DPP4: variants seen among roughly 807,000 people sequenced by gnomAD.
The protein encoded by DPP4 is dipeptidyl peptidase 4, also known as ADCP-2.
DPP4 carries 93 observed loss-of-function variants against 122.4 expected under a neutral mutation model. That is an observed-to-expected ratio of 0.76 (90% CI 0.64 to 0.90). The LOEUF (loss-of-function observed/expected upper bound fraction) is 0.90. Ranked by LOEUF, DPP4 falls within the 40% of genes least tolerant of loss-of-function variation. The probability of loss-of-function intolerance (pLI) is 0.00; values close to 1 mark genes in which losing one functional copy is unlikely to be tolerated. For missense variants in DPP4, 914 were observed against 907.3 expected (o/e 1.01, Z -0.09); for synonymous variants, 321 against 302.9 (o/e 1.06, Z -0.62).
chr2:161,995,978 G>A (rs1700989718), intron 23 of DPP4, among the ~76,000 whole-genome samples: 1 of 152,108 alleles, frequency 6.6e-6, no homozygotes, highest in Non-Finnish European at 1.5e-5. Context: ...ATCAAAAGTG[G>A]CCTTAGAAAA....
Position 162,073,800 on chromosome 2 carries a change from G to A in DPP4, c.6+176C>T, listed in dbSNP as rs73009192. Among the ~76,000 whole-genome samples the A allele has an allele frequency of 7.1e-3, 1,078 of 152,214 alleles. 14 individuals carry two copies. The highest frequency in any genetic ancestry group is 0.025 in the African/African-American group (1,040 of 41,546). ...ACGCCAGGGTCCTAGCAGAAGCCAG[G>A]GTCCGAAAGCTAAGCGAGAGCTCTG... is the stretch of plus-strand genomic sequence containing the variant. On this transcript the variant is annotated intron_variant, in intron 1 of 25. Coordinates refer to ENST00000360534, the MANE Select transcript of DPP4 (RefSeq NM_001935.4).
rs141276765 is a variant in DPP4, at chr2:162,045,538, G to A, written c.360C>T (p.Tyr120=). Reference sequence around the variant, plus strand: ...AAGAAAGCATTTATTTTACCTTCACGTAGTTGTATTCTAAGAGAATAAACT... The same window carrying A: ...AAGAAAGCATTTATTTTACCTTCACATAGTTGTATTCTAAGAGAATAAACT... ...DGQFILLEYN[Y]VKQWRHSYTA... The change falls in exon 5 of 26, where the codon TAC becomes TAT. Residue 120 remains tyrosine, a synonymous_variant. Coordinates refer to ENST00000360534, the MANE Select transcript of DPP4 (RefSeq NM_001935.4). 4.6e-5 allele frequency: 73 copies of A among 1,604,278 alleles called. No homozygotes were observed. The highest frequency in any genetic ancestry group is 8.8e-5 in the South Asian group (8 of 90,798).
intron 7 of DPP4, 75 bp from the exon 8 acceptor site, chr2:162,038,497 A>G: frequency 1.4e-6 from 2 of 1,435,826 alleles, no homozygotes; most frequent in Non-Finnish European, 1.9e-6. Flanking sequence ...AGAAACACTT[A>G]TCTATTGCAA....
intron 2 of DPP4, among the ~76,000 whole-genome samples, chr2:162,048,746 C>T (rs765341122): frequency 1.3e-5 from 2 of 152,212 alleles, no homozygotes; most frequent in Non-Finnish European, 2.9e-5. Flanking sequence ...CCCAACACTA[C>T]TCATTTCGCT....
intron 7 of DPP4, 109 bp downstream of exon 7, chr2:162,038,840 T>C (rs746647964): frequency 5.3e-6 from 5 of 949,776 alleles, no homozygotes; most frequent in Admixed American, 1.9e-5. Context: ...CTATGTTCTA[T>C]AGTGAAGTAT....
intron 13 of DPP4, 99 bp downstream of exon 13, chr2:162,020,482 A>G: frequency 9.5e-7 from 1 of 1,052,378 alleles, no homozygotes; most frequent in Non-Finnish European, 1.4e-6. Flanking sequence ...TCTGATTTTT[A>G]TACACATTGA....
intron 8 of DPP4, among the ~76,000 whole-genome samples, chr2:162,037,668 T>C (rs1454959974): frequency 6.6e-6 from 1 of 152,150 alleles, no homozygotes; most frequent in East Asian, 1.9e-4. Flanking sequence ...AAAATGTTTT[T>C]CTAATATTTT....
rs747284148 is a variant in DPP4 at position 162,046,929 on chromosome 2, C to T, written c.271G>A (p.Glu91Lys). The stretch of plus-strand genomic sequence containing the variant: ...ATTAAACATACAAATGTACTGTTCT[C>T]CAAGAAAACTGAGCTGTTTCCATAT... ...AEYGNSSVFL[E>K]NSTFDEFGHS... Residue 91 changes from glutamate (E) to lysine (K), a missense_variant, in exon 4 of 26, where the codon GAG becomes AAG. Coordinates refer to ENST00000360534, the MANE Select transcript of DPP4 (RefSeq NM_001935.4). The T allele has an allele frequency of 5.7e-6, 9 of 1,587,392 alleles. No individual in the cohort carries two copies. The South Asian group carries it at 1.0e-4, about 18-fold the overall frequency.
chr2:162,049,823 T>C (rs567312666), intron 2 of DPP4, among the ~76,000 whole-genome samples: 4 of 152,344 alleles, frequency 2.6e-5, no homozygotes, highest in Non-Finnish European at 5.9e-5. Context: ...AATAGCCTTG[T>C]ACCTGCCTAA....
At chr2:162,063,323 A>T (rs749870524) in intron 2 of DPP4, among the ~76,000 whole-genome samples, 1 of 152,196 alleles carries the variant, frequency 6.6e-6, no homozygotes, top group African/African-American at 2.4e-5. Context: ...TGTATACTGC[A>T]CCTAGAGCTC....
chr2:162,006,390 C>A (rs761960015), intron 22 of DPP4, among the ~76,000 whole-genome samples: 12 of 152,130 alleles, frequency 7.9e-5, no homozygotes, highest in Non-Finnish European at 1.3e-4. Context: ...GGAGATCAGA[C>A]TGGGATTCAC....
In DPP4 at chr2:162,074,214, C is replaced by G. The variant is rs1685229539; in HGVS notation, c.-233G>C. The G allele has an allele frequency of 4.9e-6, 6 of 1,218,896 alleles. No homozygotes were observed. 75.5% of individuals were successfully genotyped at this position (1,218,896 alleles called of 1,614,324 possible). A position where few individuals can be genotyped will look rare whatever the true frequency, so the allele number is the denominator to read the frequency against. The stretch of plus-strand genomic sequence containing the variant: ...GAGCAGGCGCGCGTGGCGCGGGGCA[C>G]TGGCATCCCGGCCGGGGGGAGCCCG... On this transcript the variant is annotated 5_prime_UTR_variant, in exon 1 of 26. Transcript: ENST00000360534.
At chr2:162,005,099 T>C (rs868161049) in intron 23 of DPP4, among the ~76,000 whole-genome samples, 2 of 152,340 alleles carry the variant, frequency 1.3e-5, no homozygotes, top group South Asian at 4.1e-4. Flanking sequence ...GGCTTTGCCG[T>C]GGCATCCACA....
chr2:162,042,519 G>A (rs937925125), intron 5 of DPP4, among the ~76,000 whole-genome samples: 4 of 151,814 alleles, frequency 2.6e-5, no homozygotes, highest in African/African-American at 9.7e-5. Context: ...CCAAGGAAAT[G>A]TAATCAAATT....
chr2:162,009,433 T>C, intron 20 of DPP4, 138 bp from the exon 21 acceptor site: 1 of 684,436 alleles, frequency 1.5e-6, no homozygotes, highest in Non-Finnish European at 2.6e-6. Context: ...AGTAATCAAA[T>C]AAACACCTGA....
chr2:161,995,405 A>G lies in DPP4; in HGVS notation c.2053-33T>C, dbSNP rs771811812. 1.5e-5 allele frequency: 23 copies of G among 1,582,284 alleles called. No homozygotes were observed. In the Admixed American group the frequency reaches 3.8e-4, roughly 26 times the overall value. On this transcript the variant is annotated intron_variant, in intron 23 of 25. Coordinates refer to ENST00000360534, the MANE Select transcript of DPP4 (RefSeq NM_001935.4). Reference sequence around the variant, plus strand: ...TGGGAGAAAGAATGTCATTATTCAAAAAAGGATCTGCCATAAACTGATTTT... The same window carrying G: ...TGGGAGAAAGAATGTCATTATTCAAGAAAGGATCTGCCATAAACTGATTTT...
intron 2 of DPP4, among the ~76,000 whole-genome samples, chr2:162,069,026 G>A (rs529484535): frequency 6.6e-6 from 1 of 152,222 alleles, no homozygotes; most frequent in East Asian, 1.9e-4. Context: ...AGACCCTGAG[G>A]CAGAACCACC....
intron 10 of DPP4, among the ~76,000 whole-genome samples, chr2:162,026,849 C>A (rs1017461358): frequency 1.3e-5 from 2 of 152,134 alleles, no homozygotes; most frequent in Non-Finnish European, 2.9e-5. Flanking sequence ...AAAAATGAAG[C>A]TTTCTGAAAT....
intron 14 of DPP4, among the ~76,000 whole-genome samples, chr2:162,019,508 C>T (rs927839493): frequency 1.3e-5 from 2 of 151,558 alleles, no homozygotes; most frequent in African/African-American, 2.4e-5. Flanking sequence ...CCAGAGATTT[C>T]TTCCTTAATT....
Sources: gnomAD v4.1 joint callset for allele counts (sites outside exome capture counted in the v4.1 genomes callset) on GRCh38, gnomAD v4.1.1 for gene constraint, MANE v1.5 for transcripts, NCBI Gene and HGNC (gene_info 2026-07-23, HGNC 2026-07-21) for gene names.